Variants in EGFR observed in about 807,000 individuals in gnomAD.
EGFR encodes the protein avian erythroblastic leukemia viral (v-erb-b) oncogene homolog.
In EGFR, 58 loss-of-function variants were observed where a neutral mutation model predicts 143.0. That is an observed-to-expected ratio of 0.41 (90% confidence interval 0.33 to 0.50). EGFR has a LOEUF of 0.50. EGFR is among the 20% of genes least tolerant of loss of function. The pLI is 0.39. For missense variants in EGFR, 1,307 were observed against 1,579.0 expected (o/e 0.83, Z 2.92); for synonymous variants, 613 against 594.4 (o/e 1.03, Z -0.45).
At chr7:55,103,602 G>A (rs1404569328) in intron 1 of EGFR, among the ~76,000 whole-genome samples, 1 of 152,248 alleles carries the variant, frequency 6.6e-6, no homozygotes, top group East Asian at 1.9e-4. Context: ...AATGCTTAGG[G>A]AGGGAATGAT....
At chr7:55,201,913 C>A in intron 26 of EGFR, 131 bp downstream of exon 26, 1 of 1,107,062 alleles carries the variant, frequency 9.0e-7, no homozygotes, top group Non-Finnish European at 1.4e-6. Context: ...GGGTTTTTCC[C>A]TGCACGGCTG....
At chr7:55,170,288 C>T (rs774540797) in intron 15 of EGFR, 3 of 1,614,088 alleles carry the variant, frequency 1.9e-6, no homozygotes, top group South Asian at 1.1e-5. Context: ...TTGAAATGTA[C>T]TTGTCCATCT....
intron 1 of EGFR, among the ~76,000 whole-genome samples, chr7:55,092,475 C>G (rs1791185600): frequency 6.6e-6 from 1 of 152,148 alleles, no homozygotes; most frequent in South Asian, 2.1e-4. Flanking sequence ...CACTTGCAAT[C>G]AAAACTAGGC....
At chr7:55,019,922 C>A (rs965442757) in intron 1 of EGFR, among the ~76,000 whole-genome samples, 1 of 152,310 alleles carries the variant, frequency 6.6e-6, no homozygotes, top group East Asian at 1.9e-4. Context: ...AGGACCTCCC[C>A]GCCTCCGCCC....
At position 55,161,607 on chromosome 7, in the gene EGFR, T is replaced by C. The variant is rs752350337; in HGVS notation, c.1607T>C (p.Val536Ala). The C allele has an allele frequency of 6.2e-7, 1 of 1,614,246 alleles. No homozygotes were observed. The highest frequency in any genetic ancestry group is 8.5e-7 in the Non-Finnish European group (1 of 1,180,032). ...CRNVSRGREC[V>A]DKCNLLEGEP... ...AATGTCAGCCGAGGCAGGGAATGCGTGGACAAGTGCAACCTTCTGGAGGGG... is the reference window on the plus strand; with the variant it reads ...AATGTCAGCCGAGGCAGGGAATGCGCGGACAAGTGCAACCTTCTGGAGGGG... The change falls in exon 13 of 28, where the codon GTG becomes GCG. Residue 536 changes from valine (V) to alanine (A), a missense_variant. This residue lies in a region of EGFR where 250 missense variants were observed against 295.1 expected (regional missense o/e 0.85). Coordinates refer to ENST00000275493, the MANE Select transcript of EGFR (RefSeq NM_005228.5).
At chr7:55,058,560 A>G (rs1484429634) in intron 1 of EGFR, among the ~76,000 whole-genome samples, 1 of 152,186 alleles carries the variant, frequency 6.6e-6, no homozygotes. Context: ...CTTTGCGGGG[A>G]CATGGATGGA....
At chr7:55,091,885 CACACA>C (rs757211484) in intron 1 of EGFR, among the ~76,000 whole-genome samples, 2,058 of 108,242 alleles carry the variant, frequency 0.019, 27 homozygotes, top group African/African-American at 0.052. Context: ...CACACACACA[CACACA>C]CCCTGAGAGA....
chr7:55,146,348 TCTTC>T (rs1794759214), intron 3 of EGFR, among the ~76,000 whole-genome samples: 1 of 152,076 alleles, frequency 6.6e-6, no homozygotes, highest in South Asian at 2.1e-4. Flanking sequence ...TAAACCATTC[TCTTC>T]CTTCCTCCCC....
At chr7:55,078,666 G>A (rs892267046) in intron 1 of EGFR, among the ~76,000 whole-genome samples, 1 of 152,214 alleles carries the variant, frequency 6.6e-6, no homozygotes, top group African/African-American at 2.4e-5. Context: ...CAGATCCCAC[G>A]TGCAGGGCCC....
intron 1 of EGFR, among the ~76,000 whole-genome samples, chr7:55,102,329 C>T (rs143724398): frequency 1.3e-3 from 197 of 152,348 alleles, no homozygotes; most frequent in African/African-American, 4.6e-3. Flanking sequence ...CCCCAGCCAC[C>T]TTCGACCTCC....
intron 15 of EGFR, chr7:55,170,553 C>A (rs768740350): frequency 1.9e-6 from 3 of 1,612,850 alleles, no homozygotes; most frequent in Non-Finnish European, 1.7e-6. Context: ...GAGCCTCATG[C>A]CTTCACGTGT....
intron 1 of EGFR, among the ~76,000 whole-genome samples, chr7:55,112,024 T>C (rs558558005): frequency 6.6e-6 from 1 of 152,154 alleles, no homozygotes; most frequent in African/African-American, 2.4e-5. Context: ...GGACTGGAAC[T>C]CCTGGCGTGA....
chr7:55,029,945 A>G (rs1168025224), intron 1 of EGFR, among the ~76,000 whole-genome samples: 1 of 152,232 alleles, frequency 6.6e-6, no homozygotes, highest in African/African-American at 2.4e-5. Context: ...CATTGATGTC[A>G]TAATAATAAC....
intron 26 of EGFR, among the ~76,000 whole-genome samples, chr7:55,202,011 C>T (rs1019035560): frequency 3.3e-5 from 5 of 152,178 alleles, no homozygotes; most frequent in African/African-American, 1.2e-4. Context: ...TTTCAGGCCA[C>T]TGCCCCAGTT....
chr7:55,151,170 A>G (rs1339632805), intron 4 of EGFR, 124 bp from the exon 5 acceptor site: 6 of 983,026 alleles, frequency 6.1e-6, no homozygotes, highest in Middle Eastern at 2.1e-4. Context: ...CAGCCAAACA[A>G]TCAGAGAATA....
At chr7:55,193,795 G>A (rs1008452767) in intron 22 of EGFR, among the ~76,000 whole-genome samples, 2 of 152,108 alleles carry the variant, frequency 1.3e-5, no homozygotes, top group Admixed American at 6.5e-5. Context: ...TTGGGATATC[G>A]TCCTTTTTTA....
rs1788547747 is a variant in EGFR at position 55,052,532 on chromosome 7, T to G, written c.88+33167T>G. On this transcript the variant is annotated intron_variant, in intron 1 of 27. Coordinates refer to ENST00000275493, the MANE Select transcript of EGFR (RefSeq NM_005228.5). ...ATAATCATGAGTGAGCCCCTGCCCG[T>G]GCTGGCTGTGTCCTGCTGAAGGCAC... Among the ~76,000 whole-genome samples, 2 of 152,338 alleles carry G rather than the reference T, an allele frequency of 1.3e-5. 1 individual carries two copies. The highest frequency in any genetic ancestry group is 6.8e-3 in the Middle Eastern group (2 of 294).
chr7:55,125,665 G>A (rs879507545), intron 1 of EGFR, among the ~76,000 whole-genome samples: 6 of 151,704 alleles, frequency 4.0e-5, no homozygotes, highest in Non-Finnish European at 4.4e-5. Context: ...TAAATCCAGC[G>A]TACCAGCTTT....
At chr7:55,167,874 G>A (rs1351440190) in intron 15 of EGFR, among the ~76,000 whole-genome samples, 1 of 152,158 alleles carries the variant, frequency 6.6e-6, no homozygotes, top group African/African-American at 2.4e-5. Context: ...AATAATATCA[G>A]ACATAATGAC....
Sources: allele counts gnomAD v4.1 joint callset (sites outside exome capture counted in the v4.1 genomes callset), GRCh38; gene constraint gnomAD v4.1.1; regional missense constraint gnomAD v4.1.1; transcripts MANE v1.5; gene names NCBI Gene and HGNC (gene_info 2026-07-23, HGNC 2026-07-21).